TTC6: variants seen among roughly 807,000 people sequenced by gnomAD.
The protein encoded by TTC6 is tetratricopeptide repeat domain 6, also known as tetratricopeptide repeat protein 6.
A neutral mutation model predicts 210.4 loss-of-function variants in TTC6; 172 were observed. The ratio of observed to expected loss-of-function variants is 0.82; its 90% CI spans 0.72 to 0.93. The LOEUF is 0.93. TTC6 is among the 40% of genes least tolerant of loss of function. The pLI is 0.00. For synonymous variants in TTC6, 804 were observed against 819.6 expected (o/e 0.98, Z 0.32); for missense variants, 2,414 against 2,318.1 (o/e 1.04, Z -0.85).
At chr14:37,787,002 G>A (rs1437239246) in intron 14 of TTC6, among the ~76,000 whole-genome samples, 1 of 152,168 alleles carries the variant, frequency 6.6e-6, no homozygotes, top group African/African-American at 2.4e-5. Context: ...CCGTGAAAGA[G>A]CAGACTTTCA....
chr14:37,749,741 A>G, exon 12 of TTC6: 1 of 1,446,008 alleles, frequency 6.9e-7, no homozygotes, highest in South Asian at 1.5e-5. Flanking sequence ...ATTGTTTCTC[A>G]ATGCCTATTG....
At chr14:37,747,421 T>C (rs1304934869) in intron 10 of TTC6, among the ~76,000 whole-genome samples, 1 of 152,208 alleles carries the variant, frequency 6.6e-6, no homozygotes, top group East Asian at 1.9e-4. Context: ...ATCCTGGGAT[T>C]AAAAATGTAA....
chr14:37,617,256 C>T (rs925891745), upstream of TTC6, among the ~76,000 whole-genome samples: 32 of 152,054 alleles, frequency 2.1e-4, no homozygotes, highest in Admixed American at 9.2e-4. Context: ...AGAAGAAAAA[C>T]GCAGGGGAGT....
intron 14 of TTC6, among the ~76,000 whole-genome samples, chr14:37,781,233 A>G (rs1349940642): frequency 6.6e-6 from 1 of 152,208 alleles, no homozygotes; most frequent in African/African-American, 2.4e-5. Flanking sequence ...GAACTAATTT[A>G]CACTCCCACC....
chr14:37,749,307 A>T (rs992421442), exon 11 of TTC6: 1 of 1,521,226 alleles, frequency 6.6e-7, no homozygotes, highest in African/African-American at 1.4e-5. Context: ...GAAATAAATG[A>T]TAAGACAAAA....
chr14:37,608,299 T>G (rs752233661), intron 2 of TTC6, among the ~76,000 whole-genome samples: 7 of 152,078 alleles, frequency 4.6e-5, no homozygotes, highest in Non-Finnish European at 7.4e-5. Context: ...TGTGTGTGTG[T>G]GTGTGTGTTT....
chr14:37,638,813 T>C (rs1246484049), intron 1 of TTC6, among the ~76,000 whole-genome samples: 1 of 152,200 alleles, frequency 6.6e-6, no homozygotes, highest in Non-Finnish European at 1.5e-5. Context: ...TACAGTCATC[T>C]CAAAATAAAA....
At chr14:37,761,785 G>A (rs994828721) in intron 14 of TTC6, among the ~76,000 whole-genome samples, 1 of 152,090 alleles carries the variant, frequency 6.6e-6, no homozygotes, top group African/African-American at 2.4e-5. Flanking sequence ...TTCTTTCTCT[G>A]AGTATTATGT....
intron 13 of TTC6, among the ~76,000 whole-genome samples, chr14:37,752,332 A>G (rs1355909695): frequency 6.6e-6 from 1 of 151,960 alleles, no homozygotes; most frequent in Non-Finnish European, 1.5e-5. Flanking sequence ...CATCCACTTG[A>G]CATTTTTCTG....
At chr14:37,717,196 C>G (rs2095854203) in intron 6 of TTC6, among the ~76,000 whole-genome samples, 1 of 149,536 alleles carries the variant, frequency 6.7e-6, no homozygotes, top group South Asian at 2.2e-4. Context: ...GAACCCAAAA[C>G]AAGCAGAAGG....
intron 29 of TTC6, among the ~76,000 whole-genome samples, chr14:37,838,519 T>C (rs2096202927): frequency 6.6e-6 from 1 of 152,202 alleles, no homozygotes; most frequent in Non-Finnish European, 1.5e-5. Flanking sequence ...TTCAACAAGC[T>C]GATATTTCCT....
At chr14:37,678,857 T>G (rs1179324115) in intron 1 of TTC6, among the ~76,000 whole-genome samples, 2 of 152,156 alleles carry the variant, frequency 1.3e-5, no homozygotes, top group East Asian at 3.9e-4. Context: ...ATAAGAGTTT[T>G]AAGGTACAAT....
intron 26 of TTC6, 53 bp from the exon 29 acceptor site, chr14:37,823,694 C>A: frequency 6.8e-7 from 1 of 1,479,072 alleles, no homozygotes; most frequent in Non-Finnish European, 9.4e-7. Context: ...TTGTATATGT[C>A]ACCAGAATGC....
At chr14:37,768,576 G>A (rs1177430153) in intron 14 of TTC6, among the ~76,000 whole-genome samples, 1 of 152,014 alleles carries the variant, frequency 6.6e-6, no homozygotes, top group East Asian at 1.9e-4. Context: ...GTGAATGGGA[G>A]TTCACTCATG....
At chr14:37,646,202 G>A (rs994139337) in intron 1 of TTC6, among the ~76,000 whole-genome samples, 18 of 152,204 alleles carry the variant, frequency 1.2e-4, no homozygotes, top group African/African-American at 4.1e-4. Context: ...AACATTACGT[G>A]AAGTTGGAAT....
At position 37,776,001 on chromosome 14, in the gene TTC6, C is replaced by T. The variant is rs1035207491; in HGVS notation, c.3267-11467C>T. 7.9e-5 allele frequency among the ~76,000 whole-genome samples: 12 copies of T among 151,558 alleles called. 1 individual carries two copies. The highest frequency in any genetic ancestry group is 2.6e-4 in the Admixed American group (4 of 15,228). On this transcript the variant is annotated intron_variant, in intron 14 of 30. Transcript: ENST00000553443. Reference sequence around the variant, plus strand: ...TTTTCTCCATACCTTTACTTTGAGCCGATGGGTGTCATTGCATTTGGCGTA... The same window carrying T: ...TTTTCTCCATACCTTTACTTTGAGCTGATGGGTGTCATTGCATTTGGCGTA...
chr14:37,686,335 T>C (rs2095793696), intron 3 of TTC6, among the ~76,000 whole-genome samples: 1 of 152,216 alleles, frequency 6.6e-6, no homozygotes, highest in Admixed American at 6.5e-5. Context: ...TTATTGCTAT[T>C]ATCATTGGAA....
intron 1 of TTC6, among the ~76,000 whole-genome samples, chr14:37,631,979 C>G (rs1426169455): frequency 6.6e-6 from 1 of 152,040 alleles, no homozygotes. Flanking sequence ...CATTTATGTT[C>G]TTCTCTAAAC....
intron 14 of TTC6, among the ~76,000 whole-genome samples, chr14:37,753,671 C>T (rs1198845467): frequency 6.6e-6 from 1 of 151,980 alleles, no homozygotes; most frequent in African/African-American, 2.4e-5. Flanking sequence ...TGGGCTCATG[C>T]GATCCTCCCA....
Sources: allele counts gnomAD v4.1 joint callset (sites outside exome capture counted in the v4.1 genomes callset), GRCh38; gene constraint gnomAD v4.1.1; transcripts MANE v1.5; gene names NCBI Gene and HGNC (gene_info 2026-07-23, HGNC 2026-07-21).